Variants in PPP2CA observed in about 807,000 individuals in gnomAD.
The protein encoded by PPP2CA is protein phosphatase 2 catalytic subunit alpha.
A neutral mutation model predicts 38.8 loss-of-function variants in PPP2CA; 5 were observed. That is an observed-to-expected ratio of 0.13 (90% CI 0.07 to 0.27). The LOEUF (loss-of-function observed/expected upper bound fraction) is 0.27, where lower values mean the gene tolerates loss of function less well. Among genes scored for constraint, PPP2CA ranks in the 10% least tolerant of loss-of-function variants. PPP2CA has a pLI of 1.00. For synonymous variants in PPP2CA, 152 were observed against 134.0 expected, an observed-to-expected ratio of 1.13 and a Z score of -0.93; for missense variants, 88 against 389.7, an observed-to-expected ratio of 0.23 and a Z score of 6.52.
At chr5:134,198,522 AC>A (rs1481133473) in intron 6 of PPP2CA, among the ~76,000 whole-genome samples, 5 of 152,156 alleles carry the variant, frequency 3.3e-5, no homozygotes, top group African/African-American at 4.8e-5. Flanking sequence ...TAAAAAAAAA[AC>A]AAAACTTAAA....
intron 1 of PPP2CA, among the ~76,000 whole-genome samples, chr5:134,222,850 GC>G (rs1173714210): frequency 6.6e-6 from 1 of 152,150 alleles, no homozygotes; most frequent in Non-Finnish European, 1.5e-5. Context: ...AACAACCTTG[GC>G]TTTTGTATAA....
chr5:134,225,596 CGCCGGGT>C, intron 1 of PPP2CA, 157 bp downstream of exon 1: 1 of 538,948 alleles, frequency 1.9e-6, no homozygotes, highest in Non-Finnish European at 3.2e-6. Flanking sequence ...AGGCAGGGGG[CGCCGGGT>C]CGTTAGGAAG....
At chr5:134,207,902 C>G (rs4302636) in intron 1 of PPP2CA, among the ~76,000 whole-genome samples, 1 of 152,206 alleles carries the variant, frequency 6.6e-6, no homozygotes, top group East Asian at 1.9e-4. Context: ...CTACTTCATT[C>G]TGAAATTTTT....
At position 134,205,662 on chromosome 5, in the gene PPP2CA, C is replaced by T. The variant is rs1166259184; in HGVS notation, c.312+260G>A. ...CGTCCCAAAGTGCTGGGATTACAGG[C>T]ATAAGCCATCACGCCCAGCCTATTT... On this transcript the variant is annotated intron_variant, in intron 2 of 6. Coordinates refer to ENST00000481195, the MANE Select transcript of PPP2CA (RefSeq NM_002715.4). The T allele has an allele frequency of 1.3e-5, 5 of 385,028 alleles. 1 individual carries two copies. Among genetic ancestry groups the T allele is most frequent in the Non-Finnish European group, 2.5e-5 (5 of 203,866 alleles). The allele number at this position is 385,028 out of a possible 1,614,324, so 23.9% of individuals were successfully genotyped here.
chr5:134,205,432 C>T (rs962127186), intron 2 of PPP2CA, among the ~76,000 whole-genome samples: 4 of 150,532 alleles, frequency 2.7e-5, no homozygotes, highest in Non-Finnish European at 5.9e-5. Context: ...TCCAGGCTGG[C>T]GTGTAGTGGC....
Position 134,206,038 on chromosome 5 carries a change from T to A in PPP2CA, c.196A>T (p.Met66Leu). Residue 66 changes from methionine (M) to leucine (L), a missense_variant, in exon 2 of 7, where the codon ATG becomes TTG. By Grantham distance (15) the Met-to-Leu change is conservative (BLOSUM62 2). Around this residue, in one of 4 missense-constraint regions of PPP2CA, gnomAD observed 6 missense variants for 52.2 expected, o/e 0.12. Coordinates refer to ENST00000481195, the MANE Select transcript of PPP2CA (RefSeq NM_002715.4). Reference protein sequence around the residue: ...GDVHGQFHDLMELFRIGGKSP... With the variant: ...GDVHGQFHDLLELFRIGGKSP... ...TTGCCACCAATTCTAAACAGTTCCA[T>A]GAGATCATGAAATTGCCCATGCACA... is the stretch of plus-strand genomic sequence containing the variant. 1 of 1,612,808 alleles carries A rather than the reference T, an allele frequency of 6.2e-7. No individual in the cohort carries two copies.
intron 1 of PPP2CA, among the ~76,000 whole-genome samples, chr5:134,211,855 C>T (rs957796344): frequency 5.9e-5 from 9 of 152,076 alleles, no homozygotes; most frequent in Non-Finnish European, 8.8e-5. Flanking sequence ...CAGTGGCTCA[C>T]GCCTGTAATC....
At chr5:134,220,031 A>G (rs1022488665) in intron 1 of PPP2CA, among the ~76,000 whole-genome samples, 7 of 132,370 alleles carry the variant, frequency 5.3e-5, no homozygotes, top group African/African-American at 1.1e-4. Context: ...AAAAAAAAAA[A>G]GCAGTTAATC....
chr5:134,205,684 A>AT (rs1762068591), intron 2 of PPP2CA: 2 of 432,704 alleles, frequency 4.6e-6, no homozygotes, highest in Admixed American at 7.1e-5. Context: ...CGCCCAGCCT[A>AT]TTTTTTCAAA....
At position 134,225,781 on chromosome 5, in the gene PPP2CA, C is replaced by T. The variant is rs368458529; in HGVS notation, c.81G>A (p.Gln27=). The change falls in exon 1 of 7, where the codon CAG becomes CAA. Residue 27 remains glutamine, a synonymous_variant. Transcript: ENST00000481195. The part of the protein sequence containing the change: ...LNECKQLSES[Q]VKSLCEKAKE... ...TCACCTTCTCGCAGAGGCTCTTGACCTGGGACTCGGACAGCTGCTTGCACT... is the reference window on the plus strand; with the variant it reads ...TCACCTTCTCGCAGAGGCTCTTGACTTGGGACTCGGACAGCTGCTTGCACT... The T allele has an allele frequency of 2.0e-5, 32 of 1,610,102 alleles. No individual in the cohort carries two copies. Among genetic ancestry groups the T allele is most frequent in the Non-Finnish European group, 2.7e-5 (32 of 1,179,054 alleles).
intron 1 of PPP2CA, among the ~76,000 whole-genome samples, chr5:134,221,287 A>G (rs1032338027): frequency 2.6e-5 from 4 of 152,024 alleles, no homozygotes; most frequent in African/African-American, 9.7e-5. Context: ...AATTTTTTGT[A>G]TTTTTAAGTA....
chr5:134,219,423 T>TGCTAC (rs1313622410), intron 1 of PPP2CA, among the ~76,000 whole-genome samples: 1 of 152,234 alleles, frequency 6.6e-6, no homozygotes, highest in African/African-American at 2.4e-5. Context: ...GGTAAACACA[T>TGCTAC]GCTACTGCTT....
chr5:134,217,667 C>T (rs191449856), intron 1 of PPP2CA, among the ~76,000 whole-genome samples: 4 of 152,250 alleles, frequency 2.6e-5, no homozygotes, highest in East Asian at 3.9e-4. Flanking sequence ...GAGTTTGAGG[C>T]GTGGGGTGAT....
intron 2 of PPP2CA, among the ~76,000 whole-genome samples, chr5:134,204,143 A>G (rs542290591): frequency 6.6e-6 from 1 of 152,382 alleles, no homozygotes; most frequent in South Asian, 2.1e-4. Context: ...AAGAAAATTC[A>G]GCTCACGCTA....
rs1761803787 is a variant in PPP2CA, at chr5:134,194,599, A to AT, written c.*3172_*3173insA. 2 of 152,238 alleles carry AT rather than the reference A, an allele frequency of 1.3e-5. No homozygotes were observed. Among genetic ancestry groups the AT allele is most frequent in the Non-Finnish European group, 2.9e-5 (2 of 68,066 alleles). 9.4% of individuals were successfully genotyped at this position (152,238 alleles called of 1,614,324 possible). ...CAATTTTCTTAAGTATGTACTTAGGAAACAGCAGTGAGGTGTTTTTGTTTT... is the reference window on the plus strand; with the variant it reads ...CAATTTTCTTAAGTATGTACTTAGGATAACAGCAGTGAGGTGTTTTTGTTTT... On this transcript the variant is annotated 3_prime_UTR_variant, in exon 7 of 7. Transcript: ENST00000481195.
chr5:134,218,584 C>T (rs1376039263), intron 1 of PPP2CA, among the ~76,000 whole-genome samples: 1 of 152,042 alleles, frequency 6.6e-6, no homozygotes, highest in African/African-American at 2.4e-5. Context: ...CACAATAATA[C>T]ATCATGAACA....
intron 1 of PPP2CA, among the ~76,000 whole-genome samples, chr5:134,224,980 A>T (rs532648485): frequency 6.6e-6 from 1 of 152,256 alleles, no homozygotes. Context: ...TAAACGGCAA[A>T]ATGCCAAGTG....
chr5:134,202,079 T>G (rs928657614), intron 2 of PPP2CA, 58 bp from the exon 3 acceptor site: 112 of 1,488,948 alleles, frequency 7.5e-5, no homozygotes, highest in Admixed American at 3.7e-4. Context: ...CAATGAAAAT[T>G]CAAGAAACTT....
chr5:134,206,744 T>C (rs1345631789), intron 1 of PPP2CA, among the ~76,000 whole-genome samples: 1 of 152,186 alleles, frequency 6.6e-6, no homozygotes, highest in African/African-American at 2.4e-5. Flanking sequence ...ATAAGCCACC[T>C]CACCTCAGCC....
Sources: allele counts gnomAD v4.1 joint callset (sites outside exome capture counted in the v4.1 genomes callset), GRCh38; gene constraint gnomAD v4.1.1; regional missense constraint gnomAD v4.1.1; transcripts MANE v1.5; gene names NCBI Gene and HGNC (gene_info 2026-07-23, HGNC 2026-07-21).